ATG5: variants seen among roughly 807,000 people sequenced by gnomAD.
The protein encoded by ATG5 is autophagy related 5, also known as autophagy protein 5.
Under a neutral mutation model 36.5 loss-of-function variants are expected in ATG5, and 14 were observed. That is an observed-to-expected ratio of 0.38 (90% CI 0.25 to 0.60). The LOEUF (loss-of-function observed/expected upper bound fraction) is 0.60, where lower values mean the gene tolerates loss of function less well. ATG5 is among the 20% of genes least tolerant of loss of function. The pLI, the probability that ATG5 is intolerant of heterozygous loss-of-function variation, is 0.60. For missense variants in ATG5, 195 were observed against 326.7 expected (o/e 0.60, Z 3.11); for synonymous variants, 95 against 101.5 (o/e 0.94, Z 0.38).
chr6:106,234,849 T>C (rs73775395), intron 6 of ATG5, among the ~76,000 whole-genome samples: 3,752 of 151,974 alleles, frequency 0.025, 64 homozygotes, highest in African/African-American at 0.05. Context: ...TGGAATGGGT[T>C]GCCGACTCCC....
At chr6:106,230,590 G>A (rs1777643738) in intron 6 of ATG5, among the ~76,000 whole-genome samples, 1 of 152,166 alleles carries the variant, frequency 6.6e-6, no homozygotes, top group African/African-American at 2.4e-5. Context: ...GGACCATAGA[G>A]GACGCTCTAG....
At chr6:106,199,365 C>T (rs944720251) in intron 7 of ATG5, among the ~76,000 whole-genome samples, 3 of 152,278 alleles carry the variant, frequency 2.0e-5, no homozygotes, top group African/African-American at 7.2e-5. Flanking sequence ...GATGTATCTA[C>T]CCAATGGAGT....
chr6:106,324,309 T>TG (rs2114696646), intron 1 of ATG5, among the ~76,000 whole-genome samples: 1 of 152,350 alleles, frequency 6.6e-6, no homozygotes, highest in South Asian at 2.1e-4. Context: ...TTATAAATAA[T>TG]GCAGAGTTGA....
chr6:106,292,119 T>C (rs1229280063), intron 4 of ATG5, among the ~76,000 whole-genome samples: 1 of 152,168 alleles, frequency 6.6e-6, no homozygotes, highest in Non-Finnish European at 1.5e-5. Flanking sequence ...GGCAGGTGGA[T>C]CACTTGACTT....
At position 106,236,315 on chromosome 6, in the gene ATG5, C is replaced by T. The variant is rs1031103903; in HGVS notation, c.573+11835G>A. 2.6e-5 allele frequency among the ~76,000 whole-genome samples: 4 copies of T among 152,066 alleles called. 1 individual carries two copies. The highest frequency in any genetic ancestry group is 2.9e-5 in the Non-Finnish European group (2 of 68,016). On this transcript the variant is annotated intron_variant, in intron 6 of 7. Coordinates refer to ENST00000369076, the MANE Select transcript of ATG5 (RefSeq NM_004849.4). The stretch of plus-strand genomic sequence containing the variant: ...TGAACACTTCTGTACAATGTTTTCT[C>T]GGACATATATTTTCATTTTTCTTGA...
intron 3 of ATG5, among the ~76,000 whole-genome samples, chr6:106,298,862 TG>T (rs1041250791): frequency 5.3e-5 from 8 of 152,206 alleles, no homozygotes; most frequent in Non-Finnish European, 1.0e-4. Flanking sequence ...AAAACAGAAC[TG>T]GCAAAAATTA....
At chr6:106,284,712 G>C (rs1780008502) in intron 4 of ATG5, among the ~76,000 whole-genome samples, 1 of 150,032 alleles carries the variant, frequency 6.7e-6, no homozygotes, top group Non-Finnish European at 1.5e-5. Context: ...GTAACTCGTT[G>C]TGTGGGGTTT....
intron 5 of ATG5, among the ~76,000 whole-genome samples, chr6:106,269,011 C>T (rs1389306314): frequency 6.6e-6 from 1 of 152,146 alleles, no homozygotes; most frequent in Non-Finnish European, 1.5e-5. Context: ...CAAACCTGCA[C>T]CTTCTGCACA....
At chr6:106,295,364 A>G (rs1440496500) in intron 3 of ATG5, among the ~76,000 whole-genome samples, 3 of 152,192 alleles carry the variant, frequency 2.0e-5, no homozygotes, top group Non-Finnish European at 4.4e-5. Context: ...TCTAAACAGC[A>G]CTGAAAACAC....
At chr6:106,250,266 T>C (rs946874881) in intron 5 of ATG5, among the ~76,000 whole-genome samples, 1 of 152,156 alleles carries the variant, frequency 6.6e-6, no homozygotes, top group Non-Finnish European at 1.5e-5. Context: ...TTTTAAAAAA[T>C]TTCTTCTTAC....
At chr6:106,296,028 AAAC>A (rs1282553632) in intron 3 of ATG5, among the ~76,000 whole-genome samples, 2 of 152,286 alleles carry the variant, frequency 1.3e-5, no homozygotes, top group African/African-American at 4.8e-5. Flanking sequence ...AGTACATAAT[AAAC>A]AACTGCTGAA....
At chr6:106,278,443 T>A (rs1316314683) in intron 5 of ATG5, among the ~76,000 whole-genome samples, 2 of 152,336 alleles carry the variant, frequency 1.3e-5, no homozygotes, top group Middle Eastern at 3.4e-3. Context: ...TAATATGAAA[T>A]TTTTTATAGC....
chr6:106,209,656 A>G (rs929821748), intron 6 of ATG5, among the ~76,000 whole-genome samples: 9 of 152,174 alleles, frequency 5.9e-5, no homozygotes, highest in African/African-American at 1.9e-4. Flanking sequence ...AACTAAATAC[A>G]CACACACAGT....
intron 4 of ATG5, among the ~76,000 whole-genome samples, chr6:106,287,974 CT>C (rs756510208): frequency 4.4e-3 from 611 of 140,306 alleles, no homozygotes; most frequent in Admixed American, 4.7e-3. Context: ...CCACAATTAA[CT>C]TTTTTTTTTT....
intron 6 of ATG5, among the ~76,000 whole-genome samples, chr6:106,221,036 A>C (rs1777227936): frequency 6.6e-6 from 1 of 152,250 alleles, no homozygotes; most frequent in Non-Finnish European, 1.5e-5. Flanking sequence ...TTATGCCAGC[A>C]GTAAATTAGG....
rs75665649 is a variant in ATG5, at chr6:106,239,935, T to C, written c.573+8215A>G. Among the ~76,000 whole-genome samples the C allele has an allele frequency of 9.9e-3, 1,513 of 152,302 alleles. 12 individuals are homozygous for C. The highest frequency in any genetic ancestry group is 0.015 in the Non-Finnish European group (1,023 of 68,014). On this transcript the variant is annotated intron_variant, in intron 6 of 7. Coordinates refer to ENST00000369076, the MANE Select transcript of ATG5 (RefSeq NM_004849.4). ...AGAAAGTTTGCCAAACCTTAGTTTATATAATAAAAGATCAGCTATCTCATA... is the reference window on the plus strand; with the variant it reads ...AGAAAGTTTGCCAAACCTTAGTTTACATAATAAAAGATCAGCTATCTCATA...
intron 5 of ATG5, among the ~76,000 whole-genome samples, chr6:106,278,989 A>G (rs1265665130): frequency 6.6e-6 from 1 of 152,210 alleles, no homozygotes; most frequent in Non-Finnish European, 1.5e-5. Flanking sequence ...TGAACCATAC[A>G]GTTGGGGACC....
chr6:106,239,614 T>G (rs1261778371), intron 6 of ATG5, among the ~76,000 whole-genome samples: 1 of 152,206 alleles, frequency 6.6e-6, no homozygotes, highest in African/African-American at 2.4e-5. Flanking sequence ...AAAATACATA[T>G]ACTGATGTAA....
At chr6:106,253,155 A>G (rs1778664674) in intron 5 of ATG5, among the ~76,000 whole-genome samples, 1 of 152,224 alleles carries the variant, frequency 6.6e-6, no homozygotes, top group South Asian at 2.1e-4. Context: ...ATAAAAATGA[A>G]CAAGTAGTAA....
Sources: gnomAD v4.1 joint callset for allele counts (sites outside exome capture counted in the v4.1 genomes callset) on GRCh38, gnomAD v4.1.1 for gene constraint, MANE v1.5 for transcripts, NCBI Gene and HGNC (gene_info 2026-07-23, HGNC 2026-07-21) for gene names.